Variants in GYS2 observed in about 807,000 individuals in gnomAD.
GYS2 encodes the protein glycogen [starch] synthase, liver.
Under a neutral mutation model 85.6 loss-of-function variants are expected in GYS2, and 80 were observed. The ratio of observed to expected loss-of-function variants is 0.93; its 90% CI spans 0.78 to 1.13. The LOEUF (loss-of-function observed/expected upper bound fraction) is 1.13. Ranked by LOEUF, GYS2 falls within the 50% of genes most tolerant of loss-of-function variation. The pLI, the probability that GYS2 is intolerant of heterozygous loss-of-function variation, is 0.00. For missense variants in GYS2, 881 were observed against 854.9 expected (o/e 1.03, Z -0.38); for synonymous variants, 328 against 300.7 (o/e 1.09, Z -0.94).
chr12:21,562,794 T>C, intron 7 of GYS2, 124 bp downstream of exon 7: 1 of 1,051,778 alleles, frequency 9.5e-7, no homozygotes, highest in South Asian at 1.4e-5. Flanking sequence ...GCTGAAGCCA[T>C]TTTTAGAATA....
At chr12:21,537,250 A>G in intron 15 of GYS2, 75 bp from the exon 16 acceptor site, 2 of 1,010,804 alleles carry the variant, frequency 2.0e-6, no homozygotes, top group Middle Eastern at 2.1e-4. Flanking sequence ...CTATGCATGC[A>G]CTATCAATTT....
At chr12:21,569,897 C>G (rs764038989) in intron 4 of GYS2, among the ~76,000 whole-genome samples, 1 of 152,046 alleles carries the variant, frequency 6.6e-6, no homozygotes, top group African/African-American at 2.4e-5. Context: ...GAAATTGAAC[C>G]TTTTAGAGGT....
intron 1 of GYS2, among the ~76,000 whole-genome samples, chr12:21,602,078 G>C (rs1206618902): frequency 6.6e-6 from 1 of 151,998 alleles, no homozygotes; most frequent in Non-Finnish European, 1.5e-5. Context: ...TTGTTTGCCA[G>C]AAAACATGGT....
At chr12:21,579,992 C>T (rs751019837) in intron 2 of GYS2, among the ~76,000 whole-genome samples, 15 of 152,230 alleles carry the variant, frequency 9.9e-5, no homozygotes, top group Non-Finnish European at 1.8e-4. Flanking sequence ...GATGCCCTAA[C>T]ATGCTGACAT....
chr12:21,578,291 T>G (rs1391324189), intron 2 of GYS2, among the ~76,000 whole-genome samples: 1 of 152,218 alleles, frequency 6.6e-6, no homozygotes, highest in African/African-American at 2.4e-5. Flanking sequence ...ATTCCTTCCT[T>G]TTCTATCTAT....
chr12:21,534,101 C>T (rs1409099360), downstream of GYS2, among the ~76,000 whole-genome samples: 1 of 152,162 alleles, frequency 6.6e-6, no homozygotes, highest in African/African-American at 2.4e-5. Context: ...ACGGGCCCAA[C>T]TTATGATGGT....
chr12:21,560,665 T>G (rs1944242422), intron 7 of GYS2, among the ~76,000 whole-genome samples, 173 bp from the exon 8 acceptor site: 1 of 152,222 alleles, frequency 6.6e-6, no homozygotes, highest in Non-Finnish European at 1.5e-5. Context: ...TTCAGAAATT[T>G]TAATTAAAAT....
At chr12:21,558,456 G>C in intron 10 of GYS2, 143 bp from the exon 11 acceptor site, 1 of 656,980 alleles carries the variant, frequency 1.5e-6, no homozygotes, top group South Asian at 1.7e-5. Flanking sequence ...ACTAAGTCTT[G>C]TGTGTGTGTC....
At chr12:21,574,432 A>G in intron 3 of GYS2, 106 bp from the exon 4 acceptor site, 2 of 845,042 alleles carry the variant, frequency 2.4e-6, no homozygotes, top group South Asian at 3.0e-5. Context: ...TTATTTTGCA[A>G]CTTAAAGGAG....
chr12:21,591,964 A>G (rs1441340173), intron 1 of GYS2, among the ~76,000 whole-genome samples: 1 of 152,146 alleles, frequency 6.6e-6, no homozygotes, highest in Non-Finnish European at 1.5e-5. Context: ...CACTATCACT[A>G]GACTGGCTTT....
chr12:21,601,172 C>T (rs1944752270), intron 1 of GYS2, among the ~76,000 whole-genome samples: 1 of 152,016 alleles, frequency 6.6e-6, no homozygotes, highest in Non-Finnish European at 1.5e-5. Flanking sequence ...AAGACCTGGG[C>T]AAAGGAGAGA....
At chr12:21,576,577 C>T (rs1591801168) in intron 2 of GYS2, among the ~76,000 whole-genome samples, 1 of 152,226 alleles carries the variant, frequency 6.6e-6, no homozygotes, top group East Asian at 1.9e-4. Context: ...CAAAATGTTT[C>T]CCAGTATGGT....
chr12:21,543,672 A>G (rs1465350585), intron 12 of GYS2, among the ~76,000 whole-genome samples: 1 of 151,978 alleles, frequency 6.6e-6, no homozygotes, highest in Non-Finnish European at 1.5e-5. Context: ...GGTTTGCTGC[A>G]CCTATCAACC....
intron 5 of GYS2, among the ~76,000 whole-genome samples, chr12:21,567,405 A>C (rs1944333701): frequency 6.6e-6 from 1 of 152,156 alleles, no homozygotes; most frequent in Admixed American, 6.5e-5. Context: ...TGATGGAATA[A>C]ACTCCCAAAA....
chr12:21,549,824 C>A (rs1944085490), intron 11 of GYS2, among the ~76,000 whole-genome samples: 1 of 152,028 alleles, frequency 6.6e-6, no homozygotes, highest in South Asian at 2.1e-4. Flanking sequence ...ATTTTGATCT[C>A]TTGATTAAGG....
chr12:21,542,094 C>T (rs1943983537), intron 13 of GYS2, among the ~76,000 whole-genome samples: 1 of 151,950 alleles, frequency 6.6e-6, no homozygotes, highest in African/African-American at 2.4e-5. Flanking sequence ...GTCACCCAGG[C>T]AGGTGTGCAG....
rs369704258 is a variant in GYS2, at chr12:21,561,081, C to T, written c.1063-589G>A. On this transcript the variant is annotated intron_variant, in intron 7 of 15. Transcript: ENST00000261195. ...CTAAAGCAAAGAAACAAGCACATGA[C>T]GAGCACTTTTGGGATAGCAGACACT... is the stretch of plus-strand genomic sequence containing the variant. Among the ~76,000 whole-genome samples, 8 of 152,200 alleles carry T rather than the reference C, an allele frequency of 5.3e-5. No homozygotes were observed. In the East Asian group the frequency reaches 7.7e-4, roughly 15 times the overall value.
At chr12:21,588,581 A>G (rs1478806704) in intron 1 of GYS2, among the ~76,000 whole-genome samples, 1 of 152,230 alleles carries the variant, frequency 6.6e-6, no homozygotes, top group Non-Finnish European at 1.5e-5. Context: ...AAAGTTTTTT[A>G]CTGTATCAAA....
At position 21,562,866 on chromosome 12, in the gene GYS2, GAA is replaced by G; in HGVS notation, c.1062+50_1062+51del. On this transcript the variant is annotated intron_variant, in intron 7 of 15. Coordinates refer to ENST00000261195, the MANE Select transcript of GYS2 (RefSeq NM_021957.4). ...GCCAAAAAATTCTTCACTTCCCACA[GAA>G]GAAAGTTCTCCCTACAAGAGTGTTA... The G allele has an allele frequency of 4.4e-6, 7 of 1,603,876 alleles. No individual in the cohort carries two copies. The Admixed American group carries it at 1.2e-4, about 27-fold the overall frequency.
Sources: allele counts gnomAD v4.1 joint callset (sites outside exome capture counted in the v4.1 genomes callset), GRCh38; gene constraint gnomAD v4.1.1; transcripts MANE v1.5; gene names NCBI Gene and HGNC (gene_info 2026-07-23, HGNC 2026-07-21).